The following MALRD1 variants were observed in gnomAD, a reference collection of about 807,000 sequenced individuals.
The protein encoded by MALRD1 is MAM and LDL receptor class A domain containing 1.
MALRD1 carries 247 observed loss-of-function variants against 242.1 expected under a neutral mutation model. The ratio of observed to expected loss-of-function variants is 1.02; its 90% confidence interval spans 0.92 to 1.13. MALRD1 has a LOEUF of 1.13. Ranked by LOEUF, MALRD1 falls within the 50% of genes most tolerant of loss-of-function variation. MALRD1 has a pLI of 0.00. For missense variants in MALRD1, 2,989 were observed against 2,533.1 expected, an observed-to-expected ratio of 1.18 and a Z score of -3.86; for synonymous variants, 995 against 866.6, an observed-to-expected ratio of 1.15 and a Z score of -2.60.
At chr10:19,077,888 T>A (rs1835365864) in intron 2 of MALRD1, among the ~76,000 whole-genome samples, 1 of 151,940 alleles carries the variant, frequency 6.6e-6, no homozygotes, top group Non-Finnish European at 1.5e-5. Flanking sequence ...ATAATAAAAT[T>A]CACTTAATTA....
chr10:19,515,714 A>G (rs1159148839), intron 31 of MALRD1, among the ~76,000 whole-genome samples: 1 of 151,810 alleles, frequency 6.6e-6, no homozygotes, highest in East Asian at 1.9e-4. Context: ...CACCCGCTAC[A>G]ACGCCTGGCT....
chr10:19,140,486 C>T (rs7080208), intron 10 of MALRD1, among the ~76,000 whole-genome samples: 51,317 of 151,408 alleles, frequency 0.34, 9,134 homozygotes, highest in Admixed American at 0.39. Context: ...AATATCCAGC[C>T]AAAACAACTG....
At chr10:19,347,693 CACTGCAGTTTTGA>C in intron 24 of MALRD1, 65 bp from the exon 25 acceptor site, 1 of 1,441,770 alleles carries the variant, frequency 6.9e-7, no homozygotes, top group Non-Finnish European at 9.4e-7. Flanking sequence ...ACAGCAAGAT[CACTGCAGTTTTGA>C]ATTGCATGTT....
intron 29 of MALRD1, among the ~76,000 whole-genome samples, chr10:19,477,091 G>C (rs907069947): frequency 6.6e-6 from 1 of 151,964 alleles, no homozygotes; most frequent in African/African-American, 2.4e-5. Flanking sequence ...GAATGCCTGC[G>C]GCTTGAAATG....
intron 4 of MALRD1, among the ~76,000 whole-genome samples, chr10:19,101,461 A>G (rs1190469598): frequency 1.4e-5 from 2 of 140,070 alleles, no homozygotes; most frequent in Non-Finnish European, 3.0e-5. Context: ...TATAATTTAT[A>G]TAATATAATT....
intron 5 of MALRD1, among the ~76,000 whole-genome samples, chr10:19,118,012 G>A (rs987850480): frequency 2.0e-5 from 3 of 152,124 alleles, no homozygotes; most frequent in Non-Finnish European, 2.9e-5. Flanking sequence ...ATGGCACTAA[G>A]CAAATAAATA....
intron 31 of MALRD1, among the ~76,000 whole-genome samples, chr10:19,525,450 G>A (rs1834062809): frequency 6.6e-6 from 1 of 152,106 alleles, no homozygotes; most frequent in Admixed American, 6.5e-5. Context: ...CTGATATTAA[G>A]TAACTGTTGT....
intron 28 of MALRD1, among the ~76,000 whole-genome samples, chr10:19,409,662 AT>A (rs1833190576): frequency 1.3e-5 from 2 of 152,146 alleles, no homozygotes; most frequent in Non-Finnish European, 2.9e-5. Flanking sequence ...TTTGAAAGAC[AT>A]TACCATTGGG....
At chr10:19,204,643 A>T (rs1588694420) in intron 16 of MALRD1, among the ~76,000 whole-genome samples, 1 of 152,282 alleles carries the variant, frequency 6.6e-6, no homozygotes, top group South Asian at 2.1e-4. Flanking sequence ...ACCATGGATT[A>T]TAATTTAATT....
chr10:19,355,682 G>A (rs1844594178), intron 26 of MALRD1, among the ~76,000 whole-genome samples: 1 of 150,658 alleles, frequency 6.6e-6, no homozygotes. Context: ...ACCTTTAATT[G>A]TGCCTTCAGA....
chr10:19,112,149 G>T (rs999281714), intron 5 of MALRD1, among the ~76,000 whole-genome samples: 1 of 127,106 alleles, frequency 7.9e-6, no homozygotes, highest in South Asian at 2.5e-4. Context: ...AGATTCTCAG[G>T]ATTTTTTTTT....
At chr10:19,344,469 A>C (rs1210791263) in intron 24 of MALRD1, among the ~76,000 whole-genome samples, 1 of 151,802 alleles carries the variant, frequency 6.6e-6, no homozygotes, top group African/African-American at 2.4e-5. Flanking sequence ...ACTTACATGG[A>C]GCTATTTCTG....
intron 18 of MALRD1, among the ~76,000 whole-genome samples, chr10:19,212,035 G>C (rs1490789923): frequency 2.6e-5 from 4 of 152,168 alleles, no homozygotes; most frequent in Non-Finnish European, 5.9e-5. Flanking sequence ...ATGCTTTCAT[G>C]TGTGCCTTGG....
chr10:19,246,189 C>T (rs1488868079), intron 18 of MALRD1, among the ~76,000 whole-genome samples: 1 of 152,172 alleles, frequency 6.6e-6, no homozygotes, highest in Non-Finnish European at 1.5e-5. Context: ...ACTTTATCTG[C>T]TTAGCAAACA....
intron 14 of MALRD1, among the ~76,000 whole-genome samples, chr10:19,197,198 C>T (rs553251348): frequency 6.6e-6 from 1 of 152,172 alleles, no homozygotes; most frequent in African/African-American, 2.4e-5. Flanking sequence ...GAAATCACCC[C>T]CATGATCCAA....
At chr10:19,333,363 G>A (rs1036787332) in intron 24 of MALRD1, among the ~76,000 whole-genome samples, 2 of 151,962 alleles carry the variant, frequency 1.3e-5, no homozygotes, top group African/African-American at 4.8e-5. Context: ...TTTACCCATT[G>A]TTGAGCATCC....
In MALRD1 at chr10:19,299,750, C is replaced by T. The variant is rs117564261; in HGVS notation, c.3419+16569C>T. ...AATAACAAAAGTCATCTATGGCAGACGCACAGACAACATAATGAGAGGACA... is the reference window on the plus strand; with the variant it reads ...AATAACAAAAGTCATCTATGGCAGATGCACAGACAACATAATGAGAGGACA... On this transcript the variant is annotated intron_variant, in intron 21 of 39. Coordinates refer to ENST00000454679, the MANE Select transcript of MALRD1 (RefSeq NM_001142308.3). 7.7e-3 allele frequency among the ~76,000 whole-genome samples: 1,171 copies of T among 151,890 alleles called. 15 individuals carry two copies. The highest frequency in any genetic ancestry group is 0.037 in the Middle Eastern group (11 of 294).
intron 18 of MALRD1, among the ~76,000 whole-genome samples, chr10:19,231,308 C>T (rs1282299120): frequency 6.6e-6 from 1 of 152,156 alleles, no homozygotes; most frequent in Non-Finnish European, 1.5e-5. Context: ...TTTTTCCCCA[C>T]AGTTGTTGGT....
chr10:19,436,199 C>T (rs1834345454), intron 28 of MALRD1, among the ~76,000 whole-genome samples: 1 of 152,166 alleles, frequency 6.6e-6, no homozygotes, highest in African/African-American at 2.4e-5. Flanking sequence ...GAGAATAATA[C>T]TAGAAGCGAC....
Sources: gnomAD v4.1 joint callset for allele counts (sites outside exome capture counted in the v4.1 genomes callset) on GRCh38, gnomAD v4.1.1 for gene constraint, MANE v1.5 for transcripts, NCBI Gene and HGNC (gene_info 2026-07-23, HGNC 2026-07-21) for gene names.